Variants in FAM217A observed in about 807,000 individuals in gnomAD.
FAM217A encodes protein FAM217A.
FAM217A carries 13 observed loss-of-function variants against 18.5 expected under a neutral mutation model. The ratio of observed to expected loss-of-function variants is 0.70; its 90% confidence interval spans 0.46 to 1.12. The LOEUF is 1.12. FAM217A is among the 50% of genes most tolerant of loss of function. The pLI, the probability that FAM217A is intolerant of heterozygous loss-of-function variation, is 0.00. For missense variants in FAM217A, 560 were observed against 575.4 expected (o/e 0.97, Z 0.27); for synonymous variants, 161 against 202.8 (o/e 0.79, Z 1.75).
At position 4,079,017 on chromosome 6, in the gene FAM217A, G is replaced by C; in HGVS notation, c.-200C>G. The C allele has an allele frequency of 2.2e-6, 1 of 455,364 alleles. No individual in the cohort carries two copies. The allele number at this position is 455,364 out of a possible 1,614,324, so 28.2% of individuals were successfully genotyped here. A position where few individuals can be genotyped will look rare whatever the true frequency, so the allele number is the denominator to read the frequency against. The stretch of plus-strand genomic sequence containing the variant: ...CGGCGGGCGGCTGGCGGCCTTGAGC[G>C]CAGCCCGGTCGGCAGTGCAGGGCCT... On this transcript the variant is annotated 5_prime_UTR_variant, in exon 1 of 7. Transcript: ENST00000274673.
intron 6 of FAM217A, 36 bp from the exon 7 acceptor site, chr6:4,069,956 G>T: frequency 7.2e-7 from 1 of 1,390,934 alleles, no homozygotes; most frequent in South Asian, 1.4e-5. Context: ...ATGGTTTATT[G>T]ACTAGAATTA....
chr6:4,069,283 TACAG>T lies in FAM217A; in HGVS notation c.936_939del (p.Phe312LeufsTer18). 3 of 1,614,122 alleles carry T rather than the reference TACAG, an allele frequency of 1.9e-6. No homozygotes were observed. The highest frequency in any genetic ancestry group is 2.5e-6 in the Non-Finnish European group (3 of 1,180,024). On this transcript the variant is annotated frameshift_variant, in exon 7 of 7. Coordinates refer to ENST00000274673, the MANE Select transcript of FAM217A (RefSeq NM_173563.3). LOFTEE classifies it low-confidence loss of function (END_TRUNC). ...GAGGGTCGTTCAGTAACTGCTGGAG[TACAG>T]AAAGTCGTTTGTAGTCTTGGCCTCT...
At position 4,068,978 on chromosome 6, in the gene FAM217A, T is replaced by A; in HGVS notation, c.1245A>T (p.Ser415=). ...SSILSPCQEL[S]FKPTIGHTNQ... is the part of the protein sequence containing the mutation. ...TTGTATGGCCAATAGTAGGTTTGAA[T>A]GAGAGTTCTTGGCATGGACTTAAAA... Residue 415 remains serine, a synonymous_variant, in exon 7 of 7, where the codon TCA becomes TCT. Coordinates refer to ENST00000274673, the MANE Select transcript of FAM217A (RefSeq NM_173563.3). 6.2e-7 allele frequency: 1 copy of A among 1,614,198 alleles called. No individual in the cohort carries two copies. Among genetic ancestry groups the A allele is most frequent in the Non-Finnish European group, 8.5e-7 (1 of 1,180,036 alleles).
At chr6:4,079,747 T>G, upstream of FAM217A, 3 of 930,036 alleles carry the variant, frequency 3.2e-6, no homozygotes, top group Non-Finnish European at 4.3e-6. Flanking sequence ...TATCTATGCT[T>G]GTACAATATA....
chr6:4,076,717 A>C (rs918244287), intron 2 of FAM217A, among the ~76,000 whole-genome samples: 12 of 152,076 alleles, frequency 7.9e-5, no homozygotes, highest in Non-Finnish European at 1.6e-4. Context: ...AAAATACAAA[A>C]ATTAGCCGGG....
intron 4 of FAM217A, among the ~76,000 whole-genome samples, chr6:4,074,107 C>T (rs1178222420): frequency 6.6e-6 from 1 of 152,180 alleles, no homozygotes; most frequent in East Asian, 1.9e-4. Context: ...TTGCCTCAGC[C>T]TCCTAAAGTG....
At chr6:4,079,662 A>G (rs890044648), upstream of FAM217A, 82 of 1,285,110 alleles carry the variant, frequency 6.4e-5, no homozygotes, top group Non-Finnish European at 7.8e-5. Context: ...TGCTCACATC[A>G]AGCCAGGAGC....
chr6:4,083,178 T>A (rs929780847), upstream of FAM217A, among the ~76,000 whole-genome samples: 30 of 152,196 alleles, frequency 2.0e-4, 1 homozygote, highest in Non-Finnish European at 4.4e-5. Flanking sequence ...GGAGGCAGGC[T>A]AAGGAAACAA....
chr6:4,073,498 C>A lies in FAM217A; in HGVS notation c.169G>T (p.Glu57Ter). ...AGCATCAGTTGCTCCACTGGAATTT[C>A]CAAATAGTTCTATAAGGCAGCAGAA... Reference protein sequence around the residue: ...AGGKINKNYLEIPVEQLMLEP... With the variant: ...AGGKINKNYL Residue 57 changes from glutamate (E) to a stop codon, truncating the protein, a stop_gained, in exon 5 of 7, where the codon GAA (glutamate) becomes TAA (stop). Transcript: ENST00000274673. LOFTEE classifies it high-confidence loss of function. 1 of 1,613,122 alleles carries A rather than the reference C, an allele frequency of 6.2e-7. No individual in the cohort carries two copies.
chr6:4,073,739 T>C (rs1769577754), intron 4 of FAM217A, among the ~76,000 whole-genome samples: 1 of 152,218 alleles, frequency 6.6e-6, no homozygotes, highest in South Asian at 2.1e-4. Context: ...TCATTAAGAT[T>C]GTCTTTATTT....
At position 4,078,788 on chromosome 6, in the gene FAM217A, G is replaced by C. The variant is rs776561747; in HGVS notation, c.-35+64C>G. ...GAGCTGTGGCCGGACTGGGTGGGGAGCCCAGTTCCAGGGGTAGCAGGAGGG... is the reference window on the plus strand; with the variant it reads ...GAGCTGTGGCCGGACTGGGTGGGGACCCCAGTTCCAGGGGTAGCAGGAGGG... On this transcript the variant is annotated intron_variant, in intron 1 of 6. Coordinates refer to ENST00000274673, the MANE Select transcript of FAM217A (RefSeq NM_173563.3). 1.6e-5 allele frequency: 7 copies of C among 426,186 alleles called. No individual in the cohort carries two copies. The Middle Eastern group carries it at 9.1e-4, about 56-fold the overall frequency. The allele number at this position is 426,186 out of a possible 1,614,324, so 26.4% of individuals were successfully genotyped here.
chr6:4,082,037 C>G (rs1433816582), upstream of FAM217A, among the ~76,000 whole-genome samples: 1 of 152,150 alleles, frequency 6.6e-6, no homozygotes. Context: ...TTATCACCCC[C>G]ACTCAACTGG....
rs760696595 is a variant in FAM217A, at chr6:4,068,734, C to A, written c.1489G>T (p.Ala497Ser). ...ATGGGTGAGCAGCACTTATCCTTAGCAATAAGGGAAGGCGACAAACAGTTT... is the reference window on the plus strand; with the variant it reads ...ATGGGTGAGCAGCACTTATCCTTAGAAATAAGGGAAGGCGACAAACAGTTT... Reference protein sequence around the residue: ...KLNCLSPSLIAKDKCCSPIEQ... With the variant: ...KLNCLSPSLISKDKCCSPIEQ... The change falls in exon 7 of 7, where the codon GCT becomes TCT. Residue 497 changes from alanine to serine, a missense_variant. Ala to Ser is a moderately conservative substitution (Grantham distance 99). Transcript: ENST00000274673. 6.2e-7 allele frequency: 1 copy of A among 1,611,872 alleles called. No homozygotes were observed. Among genetic ancestry groups the A allele is most frequent in the Non-Finnish European group, 8.5e-7 (1 of 1,179,372 alleles).
In FAM217A at chr6:4,069,235, CTT is replaced by C; in HGVS notation, c.986_987del (p.Lys329SerfsTer19). 1 of 1,614,090 alleles carries C rather than the reference CTT, an allele frequency of 6.2e-7. No individual in the cohort carries two copies. The highest frequency in any genetic ancestry group is 2.2e-5 in the East Asian group (1 of 44,864). On this transcript the variant is annotated frameshift_variant, in exon 7 of 7. Coordinates refer to ENST00000274673, the MANE Select transcript of FAM217A (RefSeq NM_173563.3). LOFTEE classifies it low-confidence loss of function (END_TRUNC). ...GAGTCGCAAAGTTTTGGCTGTCTCA[CTT>C]TTGGTGTAGCTTTGGAGGAAGAGGG... ...ERPSSSKATPKVRQPKLCDSL... is the reference protein window; with the variant it reads ...ERPSSSKATPXVRQPKLCDSL...
chr6:4,074,852 G>A (rs1299718764), intron 2 of FAM217A, among the ~76,000 whole-genome samples, 191 bp from the exon 3 acceptor site: 1 of 152,114 alleles, frequency 6.6e-6, no homozygotes, highest in Non-Finnish European at 1.5e-5. Flanking sequence ...TTATCAGTTT[G>A]ATAATGCCTA....
In FAM217A at chr6:4,084,438, TAA is replaced by T. The variant is rs373623092; in HGVS notation, c.251+138_251+139del. On this transcript the variant is annotated intron_variant, in intron 2 of 8. Coordinates refer to the FAM217A transcript ENST00000639338. The stretch of plus-strand genomic sequence containing the variant: ...ATATATTTTCTCCTTTATTTTGATT[TAA>T]GACTTGATTTCTGCAATTTGAATTG... 43 of 597,260 alleles carry T rather than the reference TAA, an allele frequency of 7.2e-5. No individual in the cohort carries two copies. In the East Asian group the frequency reaches 8.0e-4, roughly 11 times the overall value. 37.0% of individuals were successfully genotyped at this position (597,260 alleles called of 1,614,324 possible).
chr6:4,086,809 T>C (rs1770696375), intron 1 of FAM217A, among the ~76,000 whole-genome samples: 1 of 152,250 alleles, frequency 6.6e-6, no homozygotes, highest in Non-Finnish European at 1.5e-5. Flanking sequence ...TACTAGTTCT[T>C]GGCAGCTTCT....
intron 2 of FAM217A, among the ~76,000 whole-genome samples, chr6:4,076,060 C>T (rs1769772434): frequency 6.7e-6 from 1 of 149,816 alleles, no homozygotes; most frequent in Non-Finnish European, 1.5e-5. Flanking sequence ...GGCGCAGTGG[C>T]TCAAGTGGCA....
chr6:4,079,498 G>C, upstream of FAM217A: 1 of 550,254 alleles, frequency 1.8e-6, no homozygotes, highest in Non-Finnish European at 2.7e-6. Context: ...GCCTTCCTGG[G>C]CCTCCTCGGG....
Sources: allele counts gnomAD v4.1 joint callset (sites outside exome capture counted in the v4.1 genomes callset), GRCh38; gene constraint gnomAD v4.1.1; transcripts MANE v1.5; gene names NCBI Gene and HGNC (gene_info 2026-07-23, HGNC 2026-07-21).